Variants in NME4 observed in about 807,000 individuals in gnomAD.
NME4 encodes nucleoside diphosphate kinase D, mitochondrial.
Under a neutral mutation model 16.4 loss-of-function variants are expected in NME4, and 21 were observed. The observed-to-expected ratio is 1.28, with a 90% CI of 0.91 to 1.84. The LOEUF is 1.84. NME4 is among the 40% of genes most tolerant of loss of function. The probability of loss-of-function intolerance (pLI) is 0.00; values close to 1 mark genes in which losing one functional copy is unlikely to be tolerated. For missense variants in NME4, 316 were observed against 261.3 expected, an observed-to-expected ratio of 1.21 and a Z score of -1.44; for synonymous variants, 132 against 107.5, an observed-to-expected ratio of 1.23 and a Z score of -1.41.
At chr16:397,800 G>T in intron 1 of NME4, 1 of 1,526,456 alleles carries the variant, frequency 6.6e-7, no homozygotes. Context: ...ATCTGACTGG[G>T]ACGTCAGGCC....
rs2054608314 is a variant in NME4 at position 399,244 on chromosome 16, AG to A, written c.225+124del. Reference sequence around the variant, plus strand: ...TGGCTTTGGCAGTTGAAGGGGCAGGAGGGATCTATTCTGCGGTGGGGGTGCT... The same window carrying A: ...TGGCTTTGGCAGTTGAAGGGGCAGGAGGATCTATTCTGCGGTGGGGGTGCT... On this transcript the variant is annotated intron_variant, in intron 2 of 4. Coordinates refer to ENST00000219479, the MANE Select transcript of NME4 (RefSeq NM_005009.3). 4 of 1,458,800 alleles carry A rather than the reference AG, an allele frequency of 2.7e-6. No individual in the cohort carries two copies. In the South Asian group the frequency reaches 4.6e-5, roughly 17 times the overall value. The allele number at this position is 1,458,800 out of a possible 1,614,324, so 90.4% of individuals were successfully genotyped here. A position where few individuals can be genotyped will look rare whatever the true frequency, so the allele number is the denominator to read the frequency against.
intron 1 of NME4, among the ~76,000 whole-genome samples, 175 bp downstream of exon 1, chr16:397,488 C>T (rs1321928912): frequency 7.2e-6 from 1 of 138,386 alleles, no homozygotes; most frequent in Non-Finnish European, 1.6e-5. Flanking sequence ...GCACGCCCCT[C>T]CAGTGCCCGT....
chr16:399,906 C>T lies in NME4; in HGVS notation c.440+167C>T, dbSNP rs774321196. 6.6e-5 allele frequency among the ~76,000 whole-genome samples: 10 copies of T among 152,162 alleles called. No homozygotes were observed. The highest frequency in any genetic ancestry group is 2.0e-4 in the Admixed American group (3 of 15,278). On this transcript the variant is annotated intron_variant, in intron 4 of 4. Coordinates refer to ENST00000219479, the MANE Select transcript of NME4 (RefSeq NM_005009.3). ...CCGTGTTCTCCCAGGGCACACAGGGCAATGAGGTGTTCCCTTTGTGTTGTG... is the reference window on the plus strand; with the variant it reads ...CCGTGTTCTCCCAGGGCACACAGGGTAATGAGGTGTTCCCTTTGTGTTGTG...
intron 4 of NME4, 185 bp from the exon 5 acceptor site, chr16:400,034 A>G (rs893269497): frequency 5.1e-5 from 47 of 916,184 alleles, no homozygotes; most frequent in Non-Finnish European, 7.8e-5. Context: ...GGGCGGGTCC[A>G]CGAGGCTGTA....
chr16:399,752 T>C lies in NME4; in HGVS notation c.440+13T>C. ...TCCACATCAGCAGGTACGGGGGTCC[T>C]GATACACCAGGCTGCTGCTGGGGGC... On this transcript the variant is annotated intron_variant, in intron 4 of 4. Coordinates refer to ENST00000219479, the MANE Select transcript of NME4 (RefSeq NM_005009.3). 6.2e-7 allele frequency: 1 copy of C among 1,601,742 alleles called. No homozygotes were observed. The highest frequency in any genetic ancestry group is 8.5e-7 in the Non-Finnish European group (1 of 1,170,026).
intron 1 of NME4, chr16:397,887 C>G (rs763947144): frequency 1.3e-6 from 2 of 1,555,252 alleles, no homozygotes; most frequent in South Asian, 2.4e-5. Flanking sequence ...AGGGCTCCCT[C>G]CATCGGCTCT....
At chr16:397,373 C>A (rs1391183146) in intron 1 of NME4, 60 bp downstream of exon 1, 2 of 669,304 alleles carry the variant, frequency 3.0e-6, no homozygotes, top group East Asian at 9.4e-5. Context: ...GCGCGCCGCT[C>A]GGCCTTTGTG....
intron 1 of NME4, chr16:398,486 C>A: frequency 1.0e-6 from 1 of 988,402 alleles, no homozygotes; most frequent in Non-Finnish European, 1.3e-6. Flanking sequence ...GGGCTTCAGA[C>A]CATGTCTGTC....
intron 1 of NME4, 159 bp from the exon 2 acceptor site, chr16:398,831 G>A (rs1035451473): frequency 9.3e-5 from 88 of 943,768 alleles, no homozygotes; most frequent in Non-Finnish European, 9.5e-6. Context: ...TCATGGGGGT[G>A]TTTGTGGCTG....
chr16:398,059 G>T, intron 1 of NME4: 2 of 1,529,812 alleles, frequency 1.3e-6, no homozygotes, highest in African/African-American at 1.4e-5. Context: ...TCCTGGCCTG[G>T]CGGAGCCCCT....
At chr16:397,109 G>C (rs1012632761), upstream of NME4, 471 of 66,628 alleles carry the variant, frequency 7.1e-3, 1 homozygote, top group African/African-American at 0.02. Flanking sequence ...GGTCCGGGGC[G>C]GCGGGGGGCT....
At chr16:397,347 GA>G (rs200462699) in intron 1 of NME4, 34 bp downstream of exon 1, 45 of 903,660 alleles carry the variant, frequency 5.0e-5, no homozygotes, top group Middle Eastern at 5.0e-4. Flanking sequence ...CGGGGACGCG[GA>G]GGGGAGGAAG....
intron 4 of NME4, 94 bp downstream of exon 4, chr16:399,833 G>A: frequency 9.4e-7 from 1 of 1,058,612 alleles, no homozygotes; most frequent in South Asian, 1.3e-5. Context: ...CTGTCTTGCT[G>A]TGCTAGGATG....
At chr16:397,918 C>CA (rs2054581825) in intron 1 of NME4, 12 of 1,551,380 alleles carry the variant, frequency 7.7e-6, no homozygotes, top group Non-Finnish European at 1.0e-5. Context: ...CCGCCGCCTG[C>CA]AATGCCCGCA....
Position 399,429 on chromosome 16 carries a change from C to T in NME4, c.276C>T (p.Pro92=). Residue 92 remains proline (P), a synonymous_variant, in exon 3 of 5, where the codon CCC becomes CCT. Coordinates refer to ENST00000219479, the MANE Select transcript of NME4 (RefSeq NM_005009.3). The stretch of plus-strand genomic sequence containing the variant: ...ACTACCAGGACCTGCGGAGGAAGCC[C>T]TTCTACCCTGCCCTCATCCGCTACA... ...AEHYQDLRRK[P]FYPALIRYMS... 3 of 1,613,036 alleles carry T rather than the reference C, an allele frequency of 1.9e-6. No individual in the cohort carries two copies. Among genetic ancestry groups the T allele is most frequent in the Non-Finnish European group, 2.5e-6 (3 of 1,179,976 alleles).
intron 1 of NME4, 56 bp downstream of exon 1, chr16:397,369 C>T: frequency 1.4e-6 from 1 of 702,366 alleles, no homozygotes; most frequent in Non-Finnish European, 1.8e-6. Flanking sequence ...GGGCGCGCGC[C>T]GCTCGGCCTT....
chr16:399,780 G>T, intron 4 of NME4, 41 bp downstream of exon 4: 1 of 1,537,506 alleles, frequency 6.5e-7, no homozygotes, highest in Non-Finnish European at 9.0e-7. Flanking sequence ...CTGGGGGCAA[G>T]GAGGGCCATC....
rs546424428 is a variant in NME4, at chr16:399,559, G to A, written c.328-68G>A. 5,955 of 1,591,566 alleles carry A rather than the reference G, an allele frequency of 3.7e-3. 14 individuals carry two copies. The highest frequency in any genetic ancestry group is 4.6e-3 in the Non-Finnish European group (5,284 of 1,161,210). On this transcript the variant is annotated intron_variant, in intron 3 of 4. Transcript: ENST00000219479. ...TGTCTTTCCCCCCAGCAAAGGGAGG[G>A]GCCCTGGATTGAGCCCAGGGGCCCT... is the stretch of plus-strand genomic sequence containing the variant.
intron 1 of NME4, chr16:398,275 C>T (rs1381128500): frequency 2.2e-6 from 3 of 1,376,924 alleles, no homozygotes; most frequent in South Asian, 1.2e-5. Context: ...AGCGACAGGC[C>T]TTGAAACTCC....
Sources: allele counts gnomAD v4.1 joint callset (sites outside exome capture counted in the v4.1 genomes callset), GRCh38; gene constraint gnomAD v4.1.1; transcripts MANE v1.5; gene names NCBI Gene and HGNC (gene_info 2026-07-23, HGNC 2026-07-21).